CDYL2: variants seen among roughly 807,000 people sequenced by gnomAD.
CDYL2 encodes chromodomain Y-like protein 2.
A neutral mutation model predicts 49.4 loss-of-function variants in CDYL2; 23 were observed. That is an observed-to-expected ratio of 0.47 (90% confidence interval 0.34 to 0.66). CDYL2 has a LOEUF of 0.66. Among genes scored for constraint, CDYL2 ranks in the 30% least tolerant of loss-of-function variants. CDYL2 has a pLI of 0.01. For missense variants in CDYL2, 678 were observed against 656.4 expected, an observed-to-expected ratio of 1.03 and a Z score of -0.36; for synonymous variants, 360 against 268.8, an observed-to-expected ratio of 1.34 and a Z score of -3.32.
At chr16:80,700,323 G>A (rs1207210441) in intron 1 of CDYL2, among the ~76,000 whole-genome samples, 1 of 152,150 alleles carries the variant, frequency 6.6e-6, no homozygotes, top group Non-Finnish European at 1.5e-5. Flanking sequence ...TAATGGCCAT[G>A]AAGAGTGCTA....
chr16:80,765,641 G>A (rs1906693484), intron 1 of CDYL2, among the ~76,000 whole-genome samples: 1 of 144,498 alleles, frequency 6.9e-6, no homozygotes, highest in Non-Finnish European at 1.5e-5. Flanking sequence ...ATTCATGATA[G>A]CCAAAATGTG....
chr16:80,643,322 G>C (rs2142407758), intron 2 of CDYL2, among the ~76,000 whole-genome samples: 1 of 152,322 alleles, frequency 6.6e-6, no homozygotes, highest in Middle Eastern at 3.4e-3. Context: ...GGCTTTGCAG[G>C]GTTCAGCCTC....
intron 2 of CDYL2, among the ~76,000 whole-genome samples, chr16:80,635,742 G>C (rs762398878): frequency 1.3e-5 from 2 of 152,136 alleles, no homozygotes; most frequent in East Asian, 1.9e-4. Context: ...CCAAAAAAGA[G>C]TCTGTATAGC....
At chr16:80,764,779 G>T (rs778343025) in intron 1 of CDYL2, among the ~76,000 whole-genome samples, 1 of 151,906 alleles carries the variant, frequency 6.6e-6, no homozygotes, top group African/African-American at 2.4e-5. Context: ...TTAGTTCCTC[G>T]GCTAGGCGCG....
intron 2 of CDYL2, among the ~76,000 whole-genome samples, chr16:80,650,129 A>G (rs562379877): frequency 6.6e-6 from 1 of 152,174 alleles, no homozygotes. Flanking sequence ...GGATCACAGT[A>G]AGTTAAAAAG....
Position 80,599,589 on chromosome 16 carries a change from C to T in CDYL2, c.*4799G>A, listed in dbSNP as rs1467294838. 6.6e-6 allele frequency: 1 copy of T among 152,178 alleles called. No individual in the cohort carries two copies. Among genetic ancestry groups the T allele is most frequent in the Non-Finnish European group, 1.5e-5 (1 of 68,026 alleles). 9.4% of individuals were successfully genotyped at this position (152,178 alleles called of 1,614,324 possible). A position where few individuals can be genotyped will look rare whatever the true frequency, so the allele number is the denominator to read the frequency against. ...AAGACACTGAGGACACATGGGAATG[C>T]TGATTGTGTAACTAAAATTGACTTC... On this transcript the variant is annotated 3_prime_UTR_variant, in exon 7 of 7. Transcript: ENST00000570137.
intron 2 of CDYL2, chr16:80,662,739 T>C (rs1048446787): frequency 2.2e-6 from 1 of 455,846 alleles, no homozygotes; most frequent in African/African-American, 2.0e-5. Flanking sequence ...GAAATATAAC[T>C]CTAACCACCT....
chr16:80,611,765 G>A (rs12446424), intron 5 of CDYL2, among the ~76,000 whole-genome samples: 2 of 152,022 alleles, frequency 1.3e-5, no homozygotes, highest in Admixed American at 6.5e-5. Flanking sequence ...GGGCGTGGAC[G>A]GCGTTGACAG....
At chr16:80,617,311 T>C in intron 4 of CDYL2, among the ~76,000 whole-genome samples, 1 of 152,162 alleles carries the variant, frequency 6.6e-6, no homozygotes. Context: ...CAGGAGCGTG[T>C]CCCAAGAGAA....
chr16:80,775,769 T>C (rs1907062175), intron 1 of CDYL2, among the ~76,000 whole-genome samples: 1 of 151,844 alleles, frequency 6.6e-6, no homozygotes, highest in African/African-American at 2.4e-5. Flanking sequence ...TCTCATCTTA[T>C]GGCAAAGCCA....
chr16:80,613,320 A>C (rs1381906539), intron 4 of CDYL2, among the ~76,000 whole-genome samples: 2 of 152,174 alleles, frequency 1.3e-5, no homozygotes, highest in African/African-American at 4.8e-5. Context: ...TGGGGTATGA[A>C]TTCCTCATTC....
At chr16:80,699,432 A>G (rs1009971675) in intron 1 of CDYL2, among the ~76,000 whole-genome samples, 1 of 152,246 alleles carries the variant, frequency 6.6e-6, no homozygotes, top group Non-Finnish European at 1.5e-5. Flanking sequence ...AAATACCACT[A>G]GTACTCACTC....
intron 1 of CDYL2, among the ~76,000 whole-genome samples, chr16:80,778,065 C>T (rs1206466112): frequency 2.6e-5 from 4 of 151,808 alleles, no homozygotes; most frequent in African/African-American, 4.8e-5. Flanking sequence ...GAAGAGTATA[C>T]GATCACTCCA....
chr16:80,618,229 C>T (rs1906917819), intron 4 of CDYL2, among the ~76,000 whole-genome samples: 1 of 152,230 alleles, frequency 6.6e-6, no homozygotes, highest in South Asian at 2.1e-4. Context: ...GTCATGTTTC[C>T]CCAGAACTAC....
chr16:80,689,071 T>C (rs1910310676), intron 1 of CDYL2, among the ~76,000 whole-genome samples: 1 of 145,738 alleles, frequency 6.9e-6, no homozygotes, highest in Non-Finnish European at 1.5e-5. Flanking sequence ...TTTGCACATA[T>C]GAATGAATGA....
chr16:80,794,004 T>C (rs554345861), intron 1 of CDYL2, among the ~76,000 whole-genome samples: 2 of 152,352 alleles, frequency 1.3e-5, no homozygotes, highest in East Asian at 3.9e-4. Flanking sequence ...GGGTGTGGTT[T>C]GACCATCTTG....
chr16:80,682,322 G>A (rs898608699), intron 2 of CDYL2, among the ~76,000 whole-genome samples: 1 of 152,168 alleles, frequency 6.6e-6, no homozygotes, highest in African/African-American at 2.4e-5. Flanking sequence ...GACAAGAAAG[G>A]TCTAGAATAG....
In CDYL2 at chr16:80,670,593, C is replaced by A. The variant is rs574505636; in HGVS notation, c.616+13945G>T. On this transcript the variant is annotated intron_variant, in intron 2 of 6. Transcript: ENST00000570137. ...ACTGTGGCTGACATGGAGAAGGGAGCGCTGGAGTCCACCCATCTGGCTTCT... is the reference window on the plus strand; with the variant it reads ...ACTGTGGCTGACATGGAGAAGGGAGAGCTGGAGTCCACCCATCTGGCTTCT... 2.0e-5 allele frequency among the ~76,000 whole-genome samples: 3 copies of A among 152,202 alleles called. No homozygotes were observed. In the South Asian group the frequency reaches 6.2e-4, roughly 32 times the overall value.
intron 1 of CDYL2, among the ~76,000 whole-genome samples, chr16:80,744,661 C>G (rs576008101): frequency 6.6e-6 from 1 of 152,262 alleles, no homozygotes; most frequent in Admixed American, 6.5e-5. Context: ...AGGTAATATT[C>G]CAGCTCTGTA....
Sources: allele counts gnomAD v4.1 joint callset (sites outside exome capture counted in the v4.1 genomes callset), GRCh38; gene constraint gnomAD v4.1.1; transcripts MANE v1.5; gene names NCBI Gene and HGNC (gene_info 2026-07-23, HGNC 2026-07-21).